Variants in RNF112 observed in about 807,000 individuals in gnomAD.
RNF112 encodes brain finger protein.
In RNF112, 34 loss-of-function variants were observed where a neutral mutation model predicts 64.7. The ratio of observed to expected loss-of-function variants is 0.53; its 90% CI spans 0.40 to 0.70. RNF112 has a LOEUF of 0.70. RNF112 is among the 30% of genes least tolerant of loss of function. The pLI, the probability that RNF112 is intolerant of heterozygous loss-of-function variation, is 0.00. For missense variants in RNF112, 734 were observed against 850.0 expected, an observed-to-expected ratio of 0.86 and a Z score of 1.70; for synonymous variants, 345 against 344.5, an observed-to-expected ratio of 1.00 and a Z score of -0.02.
At position 19,415,797 on chromosome 17, in the gene RNF112, C is replaced by T; in HGVS notation, c.1518C>T (p.Ala506=). 3.1e-6 allele frequency: 5 copies of T among 1,613,742 alleles called. No individual in the cohort carries two copies. Among genetic ancestry groups the T allele is most frequent in the Non-Finnish European group, 4.2e-6 (5 of 1,179,890 alleles). Reference sequence around the variant, plus strand: ...CCACCCAGAAAGATGCCATTCTGGCCCGCCATGGTGTGGCCTTACTCTGCA... The same window carrying T: ...CCACCCAGAAAGATGCCATTCTGGCTCGCCATGGTGTGGCCTTACTCTGCA... ...LLSTQKDAIL[A]RHGVALLCKG... Residue 506 remains alanine, a synonymous_variant, in exon 14 of 14, where the codon GCC becomes GCT. Coordinates refer to ENST00000461366, the MANE Select transcript of RNF112 (RefSeq NM_007148.5). This position sits in a 1 kb window ranked among gnomAD's most constrained non-coding sequence, Gnocchi z 7.8.
Position 19,417,154 on chromosome 17 carries a change from A to C in RNF112, c.*979A>C, listed in dbSNP as rs1488920644. On this transcript the variant is annotated 3_prime_UTR_variant, in exon 14 of 14. Transcript: ENST00000461366. ...TGCGGGAGTTCTCCCTCTGGGGGAC[A>C]GAAAATCTGACTACTAGGAAGACTT... 1.3e-5 allele frequency: 2 copies of C among 152,214 alleles called. No individual in the cohort carries two copies. Among genetic ancestry groups the C allele is most frequent in the Non-Finnish European group, 2.9e-5 (2 of 68,042 alleles). 9.4% of individuals were successfully genotyped at this position (152,214 alleles called of 1,614,324 possible). A position where few individuals can be genotyped will look rare whatever the true frequency, so the allele number is the denominator to read the frequency against.
Position 19,413,121 on chromosome 17 carries a change from T to G in RNF112, c.565T>G (p.Leu189Val). 1 of 1,613,020 alleles carries G rather than the reference T, an allele frequency of 6.2e-7. No homozygotes were observed. Among genetic ancestry groups the G allele is most frequent in the African/African-American group, 1.3e-5 (1 of 74,980 alleles). ...AGGGAAGTCCTTCCTCCTCAACCAT[T>G]TGCTTCAGGGCTTGCCGGGCCTGGT... ...HSGKSFLLNH[L>V]LQGLPGLESG... Residue 189 changes from leucine to valine, a missense_variant, in exon 4 of 14, where the codon TTG becomes GTG. Leu to Val is a conservative substitution (Grantham distance 32, BLOSUM62 1). Coordinates refer to ENST00000461366, the MANE Select transcript of RNF112 (RefSeq NM_007148.5). This position sits in a 1 kb window ranked among gnomAD's most constrained non-coding sequence, Gnocchi z 5.9.
At position 19,414,475 on chromosome 17, in the gene RNF112, G is replaced by A. The variant is rs1913792406; in HGVS notation, c.903G>A (p.Met301Ile). The change falls in exon 8 of 14, where the codon ATG becomes ATA. Residue 301 changes from methionine to isoleucine, a missense_variant. Met to Ile is a conservative substitution (Grantham distance 10, BLOSUM62 1). Transcript: ENST00000461366. ...TGTTTGTCCACGTGGCCGAGGTGATGGGCAAGCATTATGGGATGGTGCCAA... is the reference window on the plus strand; with the variant it reads ...TGTTTGTCCACGTGGCCGAGGTGATAGGCAAGCATTATGGGATGGTGCCAA... ...LEMFVHVAEV[M>I]GKHYGMVPIQ... 6.2e-7 allele frequency: 1 copy of A among 1,613,992 alleles called. No individual in the cohort carries two copies. The highest frequency in any genetic ancestry group is 2.2e-5 in the East Asian group (1 of 44,882).
In RNF112 at chr17:19,414,613, T is replaced by A. The variant is rs1372560133; in HGVS notation, c.961T>A (p.Ser321Thr). 7.4e-6 allele frequency: 12 copies of A among 1,613,494 alleles called. No individual in the cohort carries two copies. The highest frequency in any genetic ancestry group is 1.0e-5 in the Non-Finnish European group (12 of 1,179,858). Residue 321 changes from serine (S) to threonine (T), a missense_variant, in exon 9 of 14, where the codon TCC becomes ACC. Transcript: ENST00000461366. ...QHLDLLVRDSSHPNKAGQGHV... is the reference protein window; with the variant it reads ...QHLDLLVRDSTHPNKAGQGHV... Reference sequence around the variant, plus strand: ...TCTGGACCTCTTAGTTCGTGACTCATCCCACCCCAACAAGGCAGGGCAGGG... The same window carrying A: ...TCTGGACCTCTTAGTTCGTGACTCAACCCACCCCAACAAGGCAGGGCAGGG...
rs769562891 is a variant in RNF112 at position 19,413,156 on chromosome 17, G to A, written c.588+12G>A. 2.5e-6 allele frequency: 4 copies of A among 1,610,164 alleles called. No homozygotes were observed. The East Asian group carries it at 6.7e-5, about 27-fold the overall frequency. ...GCTTGCCGGGCCTGGTGAGGGCGGGGCGGGGCAGGAGGGAGGCGGGGAGCA... is the reference window on the plus strand; with the variant it reads ...GCTTGCCGGGCCTGGTGAGGGCGGGACGGGGCAGGAGGGAGGCGGGGAGCA... On this transcript the variant is annotated intron_variant, in intron 4 of 13. Coordinates refer to ENST00000461366, the MANE Select transcript of RNF112 (RefSeq NM_007148.5). This position sits in a 1 kb window ranked among gnomAD's most constrained non-coding sequence, Gnocchi z 5.9.
Position 19,411,652 on chromosome 17 carries a change from G to GA in RNF112, c.80dup (p.Asn27LysfsTer64). ...AAGGAGAGAAAACAGAGCTTCATGG[G>GA]AAACAGCGGCAACAGTTGGTAAGTA... On this transcript the variant is annotated frameshift_variant, in exon 2 of 14. Transcript: ENST00000461366. LOFTEE classifies it high-confidence loss of function. 6.4e-7 allele frequency: 1 copy of GA among 1,571,488 alleles called. No individual in the cohort carries two copies. The highest frequency in any genetic ancestry group is 8.6e-7 in the Non-Finnish European group (1 of 1,159,448).
rs371802885 is a variant in RNF112, at chr17:19,415,056, G to A, written c.1145G>A (p.Arg382His). The A allele has an allele frequency of 5.2e-5, 83 of 1,588,106 alleles. No individual in the cohort carries two copies. The highest frequency in any genetic ancestry group is 1.8e-4 in the African/African-American group (13 of 73,504). Residue 382 changes from arginine (R) to histidine (H), a missense_variant, in exon 11 of 14, where the codon CGC becomes CAC. By Grantham distance (29) the Arg-to-His change is conservative (BLOSUM62 0). Coordinates refer to ENST00000461366, the MANE Select transcript of RNF112 (RefSeq NM_007148.5). This position sits in a 1 kb window ranked among gnomAD's most constrained non-coding sequence, Gnocchi z 7.8. ...CCCTCAGACACAGATGATGACTTCC[G>A]CCACCTTCTGGGGGCCTACGTCTCA... is the stretch of plus-strand genomic sequence containing the variant. ...ASPGDTDDDF[R>H]HLLGAYVSDV... is the part of the protein sequence containing the mutation.
chr17:19,411,526 G>A lies in RNF112; in HGVS notation c.54+64G>A, dbSNP rs1913653878. 4 of 1,428,478 alleles carry A rather than the reference G, an allele frequency of 2.8e-6. No individual in the cohort carries two copies. The South Asian group carries it at 3.7e-5, about 13-fold the overall frequency. 88.5% of individuals were successfully genotyped at this position (1,428,478 alleles called of 1,614,324 possible). A position where few individuals can be genotyped will look rare whatever the true frequency, so the allele number is the denominator to read the frequency against. On this transcript the variant is annotated intron_variant, in intron 1 of 13. Coordinates refer to ENST00000461366, the MANE Select transcript of RNF112 (RefSeq NM_007148.5). ...TGGGAAGGGCCCTCCTTGGGCTGGG[G>A]GATGGGCCGGGGGTGGGGAGGATGA... is the stretch of plus-strand genomic sequence containing the variant.
rs980910373 is a variant in RNF112 at position 19,412,022 on chromosome 17, T to C, written c.95+352T>C. Among the ~76,000 whole-genome samples the C allele has an allele frequency of 6.6e-6, 1 of 152,208 alleles. No homozygotes were observed. Among genetic ancestry groups the C allele is most frequent in the African/African-American group, 2.4e-5 (1 of 41,454 alleles). ...CAGCACCTCATGGAGGGAGCCCCGC[T>C]GTAGAACGCCGGGAGAGGCTCTTCC... is the stretch of plus-strand genomic sequence containing the variant. On this transcript the variant is annotated intron_variant, in intron 2 of 13. Transcript: ENST00000461366. The surrounding 1 kb of genome is among the most constrained non-coding windows in gnomAD (Gnocchi z 5.1).
Position 19,412,687 on chromosome 17 carries a change from T to C in RNF112, c.285T>C (p.Pro95=), listed in dbSNP as rs751231981. 3 of 1,613,226 alleles carry C rather than the reference T, an allele frequency of 1.9e-6. No homozygotes were observed. The highest frequency in any genetic ancestry group is 3.3e-4 in the Middle Eastern group (2 of 6,060). ...CGGGCTGTGAGCCGCCCTGCTGTCC[T>C]GAGTGCCGGAAGATATGCAAGCAGA... ...RLPGCEPPCC[P]ECRKICKQKR... is the part of the protein sequence containing the mutation. Residue 95 remains proline, a synonymous_variant, in exon 3 of 14, where the codon CCT becomes CCC. Coordinates refer to ENST00000461366, the MANE Select transcript of RNF112 (RefSeq NM_007148.5). This position sits in a 1 kb window ranked among gnomAD's most constrained non-coding sequence, Gnocchi z 5.1.
At chr17:19,411,738 G>A in intron 2 of RNF112, 68 bp downstream of exon 2, 2 of 1,489,784 alleles carry the variant, frequency 1.3e-6, no homozygotes, top group Non-Finnish European at 1.8e-6. Context: ...GAAATGGCCG[G>A]TCCTGGAACA....
chr17:19,413,737 G>C lies in RNF112; in HGVS notation c.825+56G>C. The C allele has an allele frequency of 1.5e-6, 2 of 1,330,446 alleles. No individual in the cohort carries two copies. Among genetic ancestry groups the C allele is most frequent in the Non-Finnish European group, 2.1e-6 (2 of 960,538 alleles). 82.4% of individuals were successfully genotyped at this position (1,330,446 alleles called of 1,614,324 possible). ...ACCCCACACACCCTTCTCCAGCTCA[G>C]CTTCCTCAAGGCCAGAGCATCTCAC... is the stretch of plus-strand genomic sequence containing the variant. On this transcript the variant is annotated intron_variant, in intron 6 of 13. Coordinates refer to ENST00000461366, the MANE Select transcript of RNF112 (RefSeq NM_007148.5). The surrounding 1 kb of genome is among the most constrained non-coding windows in gnomAD (Gnocchi z 5.9).
Position 19,415,408 on chromosome 17 carries a change from G to T in RNF112, c.1350+69G>T. ...GAGGCAGGGAGGTGGGGGCTGTGCCGAGGCCTCCGGGGTGGGGGTCTGTGT... is the reference window on the plus strand; with the variant it reads ...GAGGCAGGGAGGTGGGGGCTGTGCCTAGGCCTCCGGGGTGGGGGTCTGTGT... On this transcript the variant is annotated intron_variant, in intron 12 of 13. Transcript: ENST00000461366. This position sits in a 1 kb window ranked among gnomAD's most constrained non-coding sequence, Gnocchi z 7.8. 4 of 1,543,726 alleles carry T rather than the reference G, an allele frequency of 2.6e-6. No individual in the cohort carries two copies. Among genetic ancestry groups the T allele is most frequent in the Non-Finnish European group, 3.5e-6 (4 of 1,142,936 alleles).
chr17:19,415,091 A>C lies in RNF112; in HGVS notation c.1180A>C (p.Ser394Arg), dbSNP rs753242463. The C allele has an allele frequency of 1.2e-6, 2 of 1,602,726 alleles. No homozygotes were observed. The highest frequency in any genetic ancestry group is 1.7e-6 in the Non-Finnish European group (2 of 1,176,530). ...LLGAYVSDVL[S>R]AAPQHAKSRC... ...GGGGGCCTACGTCTCAGATGTGCTGAGTGCGGCCCCCCAGCACGCTAAGAG... is the reference window on the plus strand; with the variant it reads ...GGGGGCCTACGTCTCAGATGTGCTGCGTGCGGCCCCCCAGCACGCTAAGAG... The change falls in exon 11 of 14, where the codon AGT becomes CGT. Residue 394 changes from serine to arginine, a missense_variant. Physicochemically the swap from Ser to Arg is moderately radical, Grantham distance 110. Coordinates refer to ENST00000461366, the MANE Select transcript of RNF112 (RefSeq NM_007148.5). The surrounding 1 kb of genome is among the most constrained non-coding windows in gnomAD (Gnocchi z 7.8).
Position 19,411,325 on chromosome 17 carries a change from G to C in RNF112, c.-84G>C, listed in dbSNP as rs531934213. On this transcript the variant is annotated 5_prime_UTR_variant, in exon 1 of 14. Coordinates refer to ENST00000461366, the MANE Select transcript of RNF112 (RefSeq NM_007148.5). ...CCTACCGCAGCCTGCTAGCCTTTCC[G>C]GGAGAAAAGGCATCCTTACCTCTGG... is the stretch of plus-strand genomic sequence containing the variant. The C allele has an allele frequency of 2.9e-6, 4 of 1,361,566 alleles. No individual in the cohort carries two copies. The highest frequency in any genetic ancestry group is 4.1e-6 in the Non-Finnish European group (4 of 983,994). 84.3% of individuals were successfully genotyped at this position (1,361,566 alleles called of 1,614,324 possible).
chr17:19,414,711 G>C, intron 9 of RNF112, 51 bp downstream of exon 9: 5 of 1,610,508 alleles, frequency 3.1e-6, no homozygotes, highest in Non-Finnish European at 4.2e-6. Context: ...GGGCAGAGGT[G>C]GGGAAGACAT....
chr17:19,416,528 AAGCAGG>A lies in RNF112; in HGVS notation c.*354_*359del. 1 of 221,920 alleles carries A rather than the reference AAGCAGG, an allele frequency of 4.5e-6. No homozygotes were observed. 13.7% of individuals were successfully genotyped at this position (221,920 alleles called of 1,614,324 possible). A position where few individuals can be genotyped will look rare whatever the true frequency, so the allele number is the denominator to read the frequency against. ...GATGACCCTGGATTGTAGGAAAGTT[AAGCAGG>A]CACCATCCTGGAAGTCTACCCCTAG... On this transcript the variant is annotated 3_prime_UTR_variant, in exon 14 of 14. Coordinates refer to ENST00000461366, the MANE Select transcript of RNF112 (RefSeq NM_007148.5).
rs936973445 is a variant in RNF112 at position 19,414,647 on chromosome 17, G to A, written c.995G>A (p.Gly332Asp). The change falls in exon 9 of 14, where the codon GGC becomes GAC. Residue 332 changes from glycine (G) to aspartate (D), a missense_variant. Gly to Asp is a moderately conservative substitution (Grantham distance 94). Coordinates refer to ENST00000461366, the MANE Select transcript of RNF112 (RefSeq NM_007148.5). Reference sequence around the variant, plus strand: ...AACAAGGCAGGGCAGGGGCATGTAGGCAACATCTTCCAGGTGAGTGGTGCA... The same window carrying A: ...AACAAGGCAGGGCAGGGGCATGTAGACAACATCTTCCAGGTGAGTGGTGCA... ...HPNKAGQGHV[G>D]NIFQRLSGRY... is the part of the protein sequence containing the mutation. The A allele has an allele frequency of 1.2e-6, 2 of 1,612,640 alleles. No homozygotes were observed. Among genetic ancestry groups the A allele is most frequent in the Non-Finnish European group, 1.7e-6 (2 of 1,179,858 alleles).
chr17:19,412,761 G>A lies in RNF112; in HGVS notation c.359G>A (p.Arg120Gln), dbSNP rs1182596959. ...LGEKMKLLPQ[R>Q]PLPPALQETC... ...GAGAAGATGAAGCTCCTGCCGCAGC[G>A]GCCGCTGCCCCCTGCACTGCAGGTC... The change falls in exon 3 of 14, where the codon CGG becomes CAG. Residue 120 changes from arginine (R) to glutamine (Q), a missense_variant. Transcript: ENST00000461366. This position sits in a 1 kb window ranked among gnomAD's most constrained non-coding sequence, Gnocchi z 5.1. 5 of 1,612,710 alleles carry A rather than the reference G, an allele frequency of 3.1e-6. No homozygotes were observed. Among genetic ancestry groups the A allele is most frequent in the Admixed American group, 1.7e-5 (1 of 59,870 alleles).
Sources: gnomAD v4.1 joint callset for allele counts (sites outside exome capture counted in the v4.1 genomes callset) on GRCh38, gnomAD v4.1.1 for gene constraint, Gnocchi (gnomAD v3.1) non-coding constraint, MANE v1.5 for transcripts, NCBI Gene and HGNC (gene_info 2026-07-23, HGNC 2026-07-21) for gene names.